The following PAPPA2 variants were observed in gnomAD, a reference collection of about 807,000 sequenced individuals.
The protein encoded by PAPPA2 is pappalysin-2.
PAPPA2 carries 86 observed loss-of-function variants against 176.4 expected under a neutral mutation model. The ratio of observed to expected loss-of-function variants is 0.49; its 90% CI spans 0.41 to 0.58. PAPPA2 has a LOEUF of 0.58. PAPPA2 is among the 20% of genes least tolerant of loss of function. The probability of loss-of-function intolerance (pLI) is 0.00; values close to 1 mark genes in which losing one functional copy is unlikely to be tolerated. For synonymous variants in PAPPA2, 809 were observed against 852.2 expected (o/e 0.95, Z 0.88); for missense variants, 2,073 against 2,256.9 (o/e 0.92, Z 1.65).
At chr1:176,532,096 A>G (rs769821338) in intron 1 of PAPPA2, among the ~76,000 whole-genome samples, 37 of 152,316 alleles carry the variant, frequency 2.4e-4, no homozygotes, top group Admixed American at 1.2e-3. Flanking sequence ...GGCAGAAATA[A>G]CAAGAGAAAA....
At chr1:176,533,089 A>G (rs1241939173) in intron 1 of PAPPA2, among the ~76,000 whole-genome samples, 1 of 152,176 alleles carries the variant, frequency 6.6e-6, no homozygotes, top group Non-Finnish European at 1.5e-5. Flanking sequence ...TATTCCTGTC[A>G]AAGCTTTGGT....
intron 9 of PAPPA2, among the ~76,000 whole-genome samples, 193 bp from the exon 10 acceptor site, chr1:176,706,166 C>A (rs1660872231): frequency 6.6e-6 from 1 of 152,170 alleles, no homozygotes; most frequent in African/African-American, 2.4e-5. Context: ...CCAATCATTG[C>A]TTAAATTGTA....
At position 176,707,154 on chromosome 1, in the gene PAPPA2, G is replaced by T. The variant is rs558090772; in HGVS notation, c.3457+704G>T. Among the ~76,000 whole-genome samples the T allele has an allele frequency of 2.9e-4, 44 of 152,228 alleles. No homozygotes were observed. The South Asian group carries it at 8.5e-3, about 29-fold the overall frequency. On this transcript the variant is annotated intron_variant, in intron 10 of 22. Transcript: ENST00000367662. ...TCATCTGCATAGATTGCAATGATTTGGTAGAGGATAACCACACATTGAAGT... is the reference window on the plus strand; with the variant it reads ...TCATCTGCATAGATTGCAATGATTTTGTAGAGGATAACCACACATTGAAGT...
chr1:176,665,338 A>G (rs1446361687), intron 3 of PAPPA2, among the ~76,000 whole-genome samples: 1 of 152,024 alleles, frequency 6.6e-6, no homozygotes, highest in East Asian at 1.9e-4. Flanking sequence ...GACACTGGCA[A>G]TGGTATTTAT....
chr1:176,800,366 C>A (rs1665630028), intron 21 of PAPPA2, among the ~76,000 whole-genome samples: 1 of 152,138 alleles, frequency 6.6e-6, no homozygotes, highest in South Asian at 2.1e-4. Context: ...TTAATAAAAG[C>A]TAACTTAAAA....
intron 1 of PAPPA2, among the ~76,000 whole-genome samples, chr1:176,475,332 A>C (rs1652063392): frequency 6.6e-6 from 1 of 152,232 alleles, no homozygotes; most frequent in Non-Finnish European, 1.5e-5. Context: ...ACAAATAAAC[A>C]AAAGCCTAGC....
intron 7 of PAPPA2, 146 bp downstream of exon 7, chr1:176,696,005 T>A: frequency 1.0e-6 from 1 of 980,478 alleles, no homozygotes; most frequent in East Asian, 2.5e-5. Context: ...TGTGTGTGTG[T>A]GTTTTGCTGG....
chr1:176,551,943 A>G (rs767892972), intron 1 of PAPPA2, among the ~76,000 whole-genome samples: 10 of 152,134 alleles, frequency 6.6e-5, no homozygotes, highest in Non-Finnish European at 1.2e-4. Flanking sequence ...GGGAAAGCGG[A>G]GGGAAGAGGA....
intron 3 of PAPPA2, among the ~76,000 whole-genome samples, chr1:176,617,802 T>C (rs1655356631): frequency 1.3e-5 from 2 of 152,158 alleles, no homozygotes; most frequent in African/African-American, 4.8e-5. Context: ...TTGGGGTAGG[T>C]ACCCAGTAGT....
intron 21 of PAPPA2, among the ~76,000 whole-genome samples, chr1:176,830,672 C>T (rs1009822105): frequency 2.0e-5 from 3 of 151,526 alleles, no homozygotes; most frequent in Non-Finnish European, 4.4e-5. Flanking sequence ...CCTTGCAGAC[C>T]ATCTACACCA....
intron 21 of PAPPA2, among the ~76,000 whole-genome samples, chr1:176,800,557 A>T (rs1308744439): frequency 6.6e-6 from 1 of 152,222 alleles, no homozygotes; most frequent in African/African-American, 2.4e-5. Flanking sequence ...CATAAAATTC[A>T]TATGTGCATA....
chr1:176,576,359 A>C (rs375582599), intron 2 of PAPPA2, among the ~76,000 whole-genome samples: 1 of 152,226 alleles, frequency 6.6e-6, no homozygotes, highest in South Asian at 2.1e-4. Context: ...TTACCCCATC[A>C]GTGTCTTTCC....
chr1:176,748,529 T>C (rs1399053815), intron 14 of PAPPA2, among the ~76,000 whole-genome samples: 1 of 152,206 alleles, frequency 6.6e-6, no homozygotes, highest in Non-Finnish European at 1.5e-5. Context: ...CAGAGCCATC[T>C]TCTTCATGGC....
chr1:176,483,155 C>T (rs1652481159), intron 1 of PAPPA2, among the ~76,000 whole-genome samples: 1 of 152,066 alleles, frequency 6.6e-6, no homozygotes, highest in African/African-American at 2.4e-5. Flanking sequence ...CTTGGGATTC[C>T]AGGTCCCCTA....
chr1:176,559,681 G>A (rs1239566745), intron 2 of PAPPA2, among the ~76,000 whole-genome samples: 1 of 152,192 alleles, frequency 6.6e-6, no homozygotes, highest in Non-Finnish European at 1.5e-5. Flanking sequence ...TTCCTACGAT[G>A]GCTGGCCTTC....
chr1:176,519,407 A>G (rs1649092296), intron 1 of PAPPA2, among the ~76,000 whole-genome samples: 1 of 152,188 alleles, frequency 6.6e-6, no homozygotes, highest in South Asian at 2.1e-4. Context: ...GAAGTGAAGG[A>G]GGCAGGGAGG....
At chr1:176,499,572 A>G (rs2102506253) in intron 1 of PAPPA2, among the ~76,000 whole-genome samples, 1 of 152,246 alleles carries the variant, frequency 6.6e-6, no homozygotes, top group African/African-American at 2.4e-5. Context: ...GAGTGTATTT[A>G]TGATCTCCTG....
chr1:176,513,311 C>A lies in PAPPA2; in HGVS notation c.-916-42096C>A, dbSNP rs113122091. Reference sequence around the variant, plus strand: ...GCTTTTTGGATAAACTTGTTACTTGCTTATATTTTTCTAAATTGTTAATAA... The same window carrying A: ...GCTTTTTGGATAAACTTGTTACTTGATTATATTTTTCTAAATTGTTAATAA... On this transcript the variant is annotated intron_variant, in intron 1 of 22. Transcript: ENST00000367662. Among the ~76,000 whole-genome samples the A allele has an allele frequency of 5.5e-3, 829 of 152,068 alleles. 6 individuals are homozygous for A. The highest frequency in any genetic ancestry group is 8.1e-3 in the South Asian group (39 of 4,790).
At chr1:176,584,010 C>T (rs548047926) in intron 2 of PAPPA2, among the ~76,000 whole-genome samples, 1 of 152,280 alleles carries the variant, frequency 6.6e-6, no homozygotes, top group East Asian at 1.9e-4. Flanking sequence ...CCACTGAACT[C>T]CAGCCTGAGA....
Sources: gnomAD v4.1 joint callset for allele counts (sites outside exome capture counted in the v4.1 genomes callset) on GRCh38, gnomAD v4.1.1 for gene constraint, MANE v1.5 for transcripts, NCBI Gene and HGNC (gene_info 2026-07-23, HGNC 2026-07-21) for gene names.